Variants in RBFOX1 observed in about 807,000 individuals in gnomAD.
RBFOX1 encodes RNA binding fox-1 homolog 1.
A neutral mutation model predicts 57.7 loss-of-function variants in RBFOX1; 8 were observed. That is an observed-to-expected ratio of 0.14 (90% CI 0.08 to 0.25). RBFOX1 has a LOEUF of 0.25. Ranked by LOEUF, RBFOX1 falls within the 10% of genes least tolerant of loss-of-function variation. The pLI, the probability that RBFOX1 is intolerant of heterozygous loss-of-function variation, is 1.00. For missense variants in RBFOX1, 611 were observed against 548.5 expected (o/e 1.11, Z -1.14); for synonymous variants, 326 against 222.4 (o/e 1.47, Z -4.15).
At chr16:7,438,298 G>A (rs2098738627) in intron 4 of RBFOX1, among the ~76,000 whole-genome samples, 1 of 152,144 alleles carries the variant, frequency 6.6e-6, no homozygotes, top group Non-Finnish European at 1.5e-5. Flanking sequence ...GATGGAGATT[G>A]TAAAGTGGAT....
chr16:7,147,728 A>G (rs2075307287), intron 4 of RBFOX1, among the ~76,000 whole-genome samples: 1 of 152,034 alleles, frequency 6.6e-6, no homozygotes, highest in Non-Finnish European at 1.5e-5. Context: ...ATTGATGGGT[A>G]TCTAGGTTAA....
chr16:6,157,136 A>G (rs1463718552), intron 1 of RBFOX1, among the ~76,000 whole-genome samples: 3 of 152,084 alleles, frequency 2.0e-5, no homozygotes, highest in Non-Finnish European at 2.9e-5. Flanking sequence ...CCCCTCTAAT[A>G]TAAATAAATC....
chr16:6,089,295 A>G (rs2096136606), intron 1 of RBFOX1, among the ~76,000 whole-genome samples: 2 of 152,158 alleles, frequency 1.3e-5, no homozygotes, highest in South Asian at 4.1e-4. Flanking sequence ...GTCTTACACA[A>G]TGAATGAGAC....
At chr16:5,766,980 T>G (rs763045858) in intron 3 of RBFOX1, among the ~76,000 whole-genome samples, 3 of 152,218 alleles carry the variant, frequency 2.0e-5, no homozygotes, top group Non-Finnish European at 4.4e-5. Context: ...ATCACCTTAT[T>G]TCAGGGTTTT....
At chr16:5,760,597 A>G (rs987688941) in intron 3 of RBFOX1, among the ~76,000 whole-genome samples, 4 of 152,236 alleles carry the variant, frequency 2.6e-5, no homozygotes, top group Non-Finnish European at 4.4e-5. Flanking sequence ...AAGTACTGGT[A>G]TGGATGAACC....
At chr16:6,851,260 T>C (rs1250983350) in intron 3 of RBFOX1, among the ~76,000 whole-genome samples, 2 of 152,172 alleles carry the variant, frequency 1.3e-5, no homozygotes, top group Non-Finnish European at 2.9e-5. Flanking sequence ...AATGCGTGGT[T>C]GCCGGGGTCA....
intron 2 of RBFOX1, among the ~76,000 whole-genome samples, chr16:6,455,364 G>A (rs897360951): frequency 6.6e-6 from 1 of 152,146 alleles, no homozygotes; most frequent in Admixed American, 6.5e-5. Flanking sequence ...TTGGAAGGGA[G>A]ATGTCACTCC....
At chr16:5,886,532 A>G (rs1470633725) in intron 4 of RBFOX1, among the ~76,000 whole-genome samples, 1 of 152,242 alleles carries the variant, frequency 6.6e-6, no homozygotes, top group African/African-American at 2.4e-5. Flanking sequence ...AATAACTAAC[A>G]TTTGGTCTTC....
chr16:5,877,068 G>T (rs1409415615), intron 4 of RBFOX1, among the ~76,000 whole-genome samples: 3 of 152,182 alleles, frequency 2.0e-5, no homozygotes, highest in African/African-American at 7.2e-5. Flanking sequence ...AGAAGGAGGA[G>T]ATCCATGTAG....
At chr16:5,797,488 G>C (rs751492792) in intron 3 of RBFOX1, among the ~76,000 whole-genome samples, 21 of 152,188 alleles carry the variant, frequency 1.4e-4, no homozygotes, top group Admixed American at 7.9e-4. Flanking sequence ...CAGACCCTTA[G>C]ACAGATGGCT....
At chr16:7,353,137 A>G (rs1371736903) in intron 4 of RBFOX1, among the ~76,000 whole-genome samples, 1 of 152,186 alleles carries the variant, frequency 6.6e-6, no homozygotes, top group African/African-American at 2.4e-5. Context: ...CTGTATAGCT[A>G]ATATTTTCTT....
At chr16:6,295,439 T>G (rs1225416744) in intron 1 of RBFOX1, among the ~76,000 whole-genome samples, 1 of 152,158 alleles carries the variant, frequency 6.6e-6, no homozygotes, top group Non-Finnish European at 1.5e-5. Flanking sequence ...AGTGTGTCTT[T>G]ATAGTAGAGG....
chr16:7,058,464 G>A (rs2053175874), intron 4 of RBFOX1, among the ~76,000 whole-genome samples: 1 of 152,152 alleles, frequency 6.6e-6, no homozygotes. Flanking sequence ...ATAAAATCTA[G>A]ACTTTGCAAC....
intron 1 of RBFOX1, among the ~76,000 whole-genome samples, chr16:6,102,443 A>C (rs1802852081): frequency 6.6e-6 from 1 of 152,214 alleles, no homozygotes; most frequent in African/African-American, 2.4e-5. Flanking sequence ...TGTCATTTGC[A>C]ACAACATCAA....
chr16:6,083,775 C>A (rs1222107059), intron 1 of RBFOX1, among the ~76,000 whole-genome samples: 1 of 152,142 alleles, frequency 6.6e-6, no homozygotes, highest in Non-Finnish European at 1.5e-5. Flanking sequence ...CCAGACCTGG[C>A]CCCCCTTCTT....
chr16:7,127,637 T>C (rs2068957690), intron 4 of RBFOX1, among the ~76,000 whole-genome samples: 1 of 152,130 alleles, frequency 6.6e-6, no homozygotes, highest in South Asian at 2.1e-4. Flanking sequence ...GTAAGGGAGA[T>C]GACAATTGTG....
chr16:6,672,434 A>C (rs1279715642), intron 3 of RBFOX1, among the ~76,000 whole-genome samples: 1 of 151,706 alleles, frequency 6.6e-6, no homozygotes, highest in Non-Finnish European at 1.5e-5. Context: ...AAGGAAAAAG[A>C]AAAGAAAGAG....
At chr16:7,675,589 A>C (rs551493881) in intron 13 of RBFOX1, among the ~76,000 whole-genome samples, 1 of 152,336 alleles carries the variant, frequency 6.6e-6, no homozygotes, top group East Asian at 1.9e-4. Flanking sequence ...AGGCAGAAAG[A>C]AATTGAGACC....
intron 1 of RBFOX1, among the ~76,000 whole-genome samples, chr16:5,290,345 G>C (rs1384606691): frequency 6.6e-6 from 1 of 152,118 alleles, no homozygotes; most frequent in Non-Finnish European, 1.5e-5. Flanking sequence ...CTGTGACAGA[G>C]ACTCTATCTC....
Sources: allele counts gnomAD v4.1 joint callset (sites outside exome capture counted in the v4.1 genomes callset), GRCh38; gene constraint gnomAD v4.1.1; transcripts MANE v1.5; gene names NCBI Gene and HGNC (gene_info 2026-07-23, HGNC 2026-07-21).